Variants in MEI1 observed in about 807,000 individuals in gnomAD.
MEI1 encodes meiosis inhibitor protein 1.
Under a neutral mutation model 146.2 loss-of-function variants are expected in MEI1, and 103 were observed. The ratio of observed to expected loss-of-function variants is 0.70; its 90% CI spans 0.60 to 0.83. MEI1 has a LOEUF of 0.83. Among genes scored for constraint, MEI1 ranks in the 40% least tolerant of loss-of-function variants. The pLI is 0.00. For missense variants in MEI1, 1,529 were observed against 1,533.0 expected, an observed-to-expected ratio of 1.00 and a Z score of 0.04; for synonymous variants, 652 against 628.2, an observed-to-expected ratio of 1.04 and a Z score of -0.57.
At chr22:41,797,125 G>A (rs2076390754) in intron 30 of MEI1, among the ~76,000 whole-genome samples, 1 of 152,010 alleles carries the variant, frequency 6.6e-6, no homozygotes, top group Non-Finnish European at 1.5e-5. Context: ...AGCCCTCCGA[G>A]TAGCTGAGAC....
chr22:41,701,412 C>T (rs903245478), intron 1 of MEI1, among the ~76,000 whole-genome samples: 28 of 151,834 alleles, frequency 1.8e-4, no homozygotes, highest in African/African-American at 6.5e-4. Flanking sequence ...GGTTGGATCA[C>T]GAGGCCAGAA....
intron 11 of MEI1, among the ~76,000 whole-genome samples, chr22:41,733,175 C>T (rs2072021593): frequency 6.6e-6 from 1 of 151,980 alleles, no homozygotes; most frequent in Non-Finnish European, 1.5e-5. Context: ...ATACGTTGGA[C>T]ATGGTGGCTC....
In MEI1 at chr22:41,712,812, T is replaced by TG. The variant is rs1190546001; in HGVS notation, c.350-1190_350-1189insG. On this transcript the variant is annotated intron_variant, in intron 3 of 30. Transcript: ENST00000401548. Reference sequence around the variant, plus strand: ...TGGGTATTAGTTTTGTTTGTTTGTTTTTTTTTTTTTTTTAGAGATGGAGTC... The same window carrying TG: ...TGGGTATTAGTTTTGTTTGTTTGTTTGTTTTTTTTTTTTTAGAGATGGAGTC... Among the ~76,000 whole-genome samples the TG allele has an allele frequency of 7.6e-5, 11 of 144,448 alleles. 1 individual carries two copies. The highest frequency in any genetic ancestry group is 2.5e-4 in the African/African-American group (10 of 39,496). The allele number at this position is 144,448 out of a possible 152,430, so 94.8% of individuals were successfully genotyped here.
intron 3 of MEI1, chr22:41,709,316 T>C: frequency 1.3e-6 from 1 of 784,814 alleles, no homozygotes; most frequent in Non-Finnish European, 2.3e-6. Context: ...AGCATCCACT[T>C]TTCCCTTTTT....
chr22:41,736,206 C>T (rs2072347016), intron 11 of MEI1, among the ~76,000 whole-genome samples: 1 of 151,942 alleles, frequency 6.6e-6, no homozygotes, highest in South Asian at 2.1e-4. Context: ...TATAATCTCC[C>T]TCTGCCTTTT....
At chr22:41,721,203 G>T (rs1479524155) in intron 6 of MEI1, among the ~76,000 whole-genome samples, 3 of 148,368 alleles carry the variant, frequency 2.0e-5, no homozygotes, top group Non-Finnish European at 3.0e-5. Context: ...CTCCCAAAGT[G>T]CTGGGATTAC....
chr22:41,784,246 G>A (rs530965882), intron 24 of MEI1, 93 bp from the exon 25 acceptor site: 14 of 1,085,378 alleles, frequency 1.3e-5, no homozygotes, highest in Non-Finnish European at 1.4e-5. Context: ...GTGGATATGT[G>A]GGGGGAGGTG....
chr22:41,707,767 TC>T (rs1293734183), intron 3 of MEI1, among the ~76,000 whole-genome samples: 1 of 152,206 alleles, frequency 6.6e-6, no homozygotes, highest in African/African-American at 2.4e-5. Flanking sequence ...AATCCCTTCT[TC>T]CTATAGCCTT....
intron 11 of MEI1, among the ~76,000 whole-genome samples, chr22:41,738,567 A>G (rs1206174677): frequency 2.0e-5 from 3 of 151,548 alleles, no homozygotes; most frequent in Non-Finnish European, 4.4e-5. Context: ...AGCCTGGGCA[A>G]CAGAGCGAGA....
At position 41,795,338 on chromosome 22, in the gene MEI1, G is replaced by T; in HGVS notation, c.3535-73G>T. The T allele has an allele frequency of 6.3e-7, 1 of 1,581,652 alleles. No individual in the cohort carries two copies. The highest frequency in any genetic ancestry group is 2.2e-5 in the East Asian group (1 of 44,518). On this transcript the variant is annotated intron_variant, in intron 28 of 30. Coordinates refer to ENST00000401548, the MANE Select transcript of MEI1 (RefSeq NM_152513.4). The surrounding 1 kb of genome is among the most constrained non-coding windows in gnomAD (Gnocchi z 4.2). ...TTCAGGACAGTGTCTCCTAAAGTTG[G>T]GGCACAGCAGTTGTCTATGATGAAG...
intron 14 of MEI1, chr22:41,747,377 C>T (rs531747697): frequency 1.3e-5 from 2 of 152,486 alleles, no homozygotes; most frequent in African/African-American, 4.8e-5. Context: ...TTATTTGTTT[C>T]TTCTCCATTC....
rs536666977 is a variant in MEI1, at chr22:41,699,561, C to A, written c.23C>A (p.Thr8Lys). The A allele has an allele frequency of 5.0e-6, 8 of 1,611,696 alleles. No individual in the cohort carries two copies. The highest frequency in any genetic ancestry group is 5.9e-6 in the Non-Finnish European group (7 of 1,179,036). The change falls in exon 1 of 31, where the codon ACG becomes AAG. Residue 8 changes from threonine to lysine, a missense_variant. Thr to Lys is a moderately conservative substitution (Grantham distance 78). Coordinates refer to ENST00000401548, the MANE Select transcript of MEI1 (RefSeq NM_152513.4). ...GAGATGGCTGTGAGGCAGGCGGCGA[C>A]GGCGGGCACTCCCGGGCCCAGGAGA... Reference protein sequence around the residue: MAVRQAATAGTPGPRREE... With the variant: MAVRQAAKAGTPGPRREE...
intron 3 of MEI1, 25 bp from the exon 4 acceptor site, chr22:41,713,977 T>TGTGTCTGTTC (rs1178190230): frequency 1.9e-6 from 3 of 1,563,916 alleles, no homozygotes; most frequent in Non-Finnish European, 2.6e-6. Context: ...GCCTCCTGGT[T>TGTGTCTGTTC]AGTAATACTG....
At chr22:41,766,905 G>A (rs2074893955) in intron 19 of MEI1, among the ~76,000 whole-genome samples, 1 of 152,196 alleles carries the variant, frequency 6.6e-6, no homozygotes, top group Non-Finnish European at 1.5e-5. Flanking sequence ...TCTGATTAGA[G>A]TGAAAAGAAA....
At chr22:41,729,813 A>G in intron 8 of MEI1, 34 bp downstream of exon 8, 1 of 1,389,242 alleles carries the variant, frequency 7.2e-7, no homozygotes, top group Non-Finnish European at 9.9e-7. Context: ...TCCTCCCTAT[A>G]CTAGAAGGAT....
intron 16 of MEI1, among the ~76,000 whole-genome samples, chr22:41,753,018 CA>C (rs1212456841): frequency 1.3e-5 from 2 of 150,610 alleles, no homozygotes; most frequent in East Asian, 3.9e-4. Context: ...CTGGTCTCTA[CA>C]ATTTTTTTTT....
At chr22:41,785,363 C>T (rs772616954) in intron 26 of MEI1, among the ~76,000 whole-genome samples, 16 of 147,970 alleles carry the variant, frequency 1.1e-4, no homozygotes, top group Non-Finnish European at 1.6e-4. Context: ...CCCGGGTTCA[C>T]GCCATTCTCC....
intron 16 of MEI1, 55 bp downstream of exon 16, chr22:41,752,706 T>G: frequency 1.4e-6 from 2 of 1,424,692 alleles, no homozygotes; most frequent in Admixed American, 3.9e-5. Context: ...TCCCTCTTGA[T>G]GGGACAAGTG....
intron 17 of MEI1, among the ~76,000 whole-genome samples, chr22:41,755,964 C>T (rs2074067649): frequency 6.6e-6 from 1 of 152,178 alleles, no homozygotes; most frequent in South Asian, 2.1e-4. Context: ...ATCTCTCATC[C>T]ACTCACTGCT....
Sources: gnomAD v4.1 joint callset for allele counts (sites outside exome capture counted in the v4.1 genomes callset) on GRCh38, gnomAD v4.1.1 for gene constraint, Gnocchi (gnomAD v3.1) non-coding constraint, MANE v1.5 for transcripts, NCBI Gene and HGNC (gene_info 2026-07-23, HGNC 2026-07-21) for gene names.